MOB3B: variants seen among roughly 807,000 people sequenced by gnomAD.
The protein encoded by MOB3B is MOB kinase activator 3B.
Under a neutral mutation model 18.7 loss-of-function variants are expected in MOB3B, and 7 were observed. The observed-to-expected ratio is 0.37, with a 90% CI of 0.21 to 0.70. MOB3B has a LOEUF of 0.70. Ranked by LOEUF, MOB3B falls within the 30% of genes least tolerant of loss-of-function variation. The pLI is 0.52. For synonymous variants in MOB3B, 111 were observed against 99.9 expected (o/e 1.11, Z -0.66); for missense variants, 253 against 281.3 (o/e 0.90, Z 0.72).
chr9:27,483,934 C>T (rs1206505581), intron 1 of MOB3B, among the ~76,000 whole-genome samples: 1 of 152,192 alleles, frequency 6.6e-6, no homozygotes, highest in Non-Finnish European at 1.5e-5. Context: ...CTGGAAAATG[C>T]TGCTTTCCAC....
chr9:27,437,911 C>G (rs1822536856), intron 2 of MOB3B, among the ~76,000 whole-genome samples: 1 of 152,056 alleles, frequency 6.6e-6, no homozygotes, highest in Non-Finnish European at 1.5e-5. Context: ...AAAGACACAC[C>G]CAAAAGCTAT....
intron 2 of MOB3B, among the ~76,000 whole-genome samples, chr9:27,427,943 G>T (rs936693980): frequency 6.6e-6 from 1 of 152,056 alleles, no homozygotes. Context: ...ACACCTGTGG[G>T]CCTGGCTACC....
intron 3 of MOB3B, among the ~76,000 whole-genome samples, chr9:27,350,189 C>CA (rs1009565191): frequency 2.8e-5 from 4 of 141,924 alleles, no homozygotes; most frequent in African/African-American, 1.1e-4. Context: ...AGAAAAGTGA[C>CA]ACATGTTTGT....
At chr9:27,453,207 A>G (rs1440400749) in intron 2 of MOB3B, among the ~76,000 whole-genome samples, 3 of 152,248 alleles carry the variant, frequency 2.0e-5, no homozygotes, top group East Asian at 1.9e-4. Flanking sequence ...AGGAACCACC[A>G]CATACTATTC....
rs1245649385 is a variant in MOB3B at position 27,455,315 on chromosome 9, C to A, written c.236G>T (p.Cys79Phe). Residue 79 changes from cysteine (C) to phenylalanine (F), a missense_variant, in exon 2 of 4, where the codon TGT becomes TTT. Coordinates refer to ENST00000262244, the MANE Select transcript of MOB3B (RefSeq NM_024761.5). Reference protein sequence around the residue: ...NRINLIYGTICEFCTERTCPV... With the variant: ...NRINLIYGTIFEFCTERTCPV... The stretch of plus-strand genomic sequence containing the variant: ...ACAGGTCCGCTCGGTGCAGAACTCA[C>A]AGATGGTGCCATAGATGAGGTTGAT... 19 of 1,614,144 alleles carry A rather than the reference C, an allele frequency of 1.2e-5. No individual in the cohort carries two copies. The East Asian group carries it at 4.2e-4, about 36-fold the overall frequency.
intron 2 of MOB3B, among the ~76,000 whole-genome samples, chr9:27,399,054 G>C (rs1255451151): frequency 6.6e-6 from 1 of 152,102 alleles, no homozygotes; most frequent in East Asian, 1.9e-4. Context: ...TCCCCAAGTG[G>C]AGGTCAAATA....
At chr9:27,334,056 A>T (rs984401749) in intron 3 of MOB3B, among the ~76,000 whole-genome samples, 1 of 152,198 alleles carries the variant, frequency 6.6e-6, no homozygotes, top group African/African-American at 2.4e-5. Flanking sequence ...CTTTGCACAC[A>T]TTTGCATTCT....
chr9:27,460,976 C>T (rs945360372), intron 1 of MOB3B, among the ~76,000 whole-genome samples: 1 of 152,208 alleles, frequency 6.6e-6, no homozygotes, highest in Non-Finnish European at 1.5e-5. Flanking sequence ...TGCCAACTCA[C>T]TGAGGCCGCT....
chr9:27,359,440 T>C (rs1027099478), intron 2 of MOB3B, among the ~76,000 whole-genome samples: 3 of 151,712 alleles, frequency 2.0e-5, no homozygotes, highest in African/African-American at 7.3e-5. Context: ...AAGGGAGCAG[T>C]TGCTGCGACT....
chr9:27,348,356 C>T (rs1821059168), intron 3 of MOB3B, among the ~76,000 whole-genome samples: 1 of 146,396 alleles, frequency 6.8e-6, no homozygotes, highest in Non-Finnish European at 1.5e-5. Flanking sequence ...TAACATTTCT[C>T]TCTTCAAGAA....
chr9:27,345,452 T>C (rs757328305), intron 3 of MOB3B, among the ~76,000 whole-genome samples: 4 of 152,186 alleles, frequency 2.6e-5, no homozygotes, highest in Non-Finnish European at 4.4e-5. Context: ...TGCCATCATT[T>C]AAAACTCTGG....
intron 1 of MOB3B, among the ~76,000 whole-genome samples, chr9:27,520,879 CA>C (rs879439463): frequency 6.6e-5 from 10 of 152,196 alleles, no homozygotes; most frequent in Non-Finnish European, 1.2e-4. Context: ...ATCTGAATTT[CA>C]GAAAAACAAT....
chr9:27,348,687 C>T (rs552806966), intron 3 of MOB3B, among the ~76,000 whole-genome samples: 19 of 151,908 alleles, frequency 1.3e-4, no homozygotes, highest in African/African-American at 4.6e-4. Context: ...AAGAAATAGA[C>T]CTTAATTTTC....
At chr9:27,335,388 G>A (rs1820849001) in intron 3 of MOB3B, among the ~76,000 whole-genome samples, 1 of 152,160 alleles carries the variant, frequency 6.6e-6, no homozygotes, top group Non-Finnish European at 1.5e-5. Flanking sequence ...TGGCAGAACT[G>A]GACTGCTGGC....
chr9:27,378,518 A>G (rs764556638), intron 2 of MOB3B: 9 of 471,108 alleles, frequency 1.9e-5, no homozygotes, highest in South Asian at 1.4e-4. Context: ...TCCCAGAACT[A>G]TTGGAACCAG....
rs143032754 is a variant in MOB3B, at chr9:27,454,981, T to C, written c.418+152A>G. The stretch of plus-strand genomic sequence containing the variant: ...GTGGTCCATAAAGTTTTTTTTTTCA[T>C]TTCAATGAGGCTCTTATATATCACT... On this transcript the variant is annotated intron_variant, in intron 2 of 3. Coordinates refer to ENST00000262244, the MANE Select transcript of MOB3B (RefSeq NM_024761.5). 187 of 821,400 alleles carry C rather than the reference T, an allele frequency of 2.3e-4. No homozygotes were observed. In the African/African-American group the frequency reaches 2.8e-3, roughly 12 times the overall value. The allele number at this position is 821,400 out of a possible 1,614,324, so 50.9% of individuals were successfully genotyped here.
At chr9:27,420,082 A>G (rs1397081808) in intron 2 of MOB3B, among the ~76,000 whole-genome samples, 1 of 152,220 alleles carries the variant, frequency 6.6e-6, no homozygotes. Context: ...GATCAGGGAA[A>G]TGCAAATCAA....
At chr9:27,341,611 C>G (rs897638109) in intron 3 of MOB3B, among the ~76,000 whole-genome samples, 3 of 152,182 alleles carry the variant, frequency 2.0e-5, no homozygotes, top group African/African-American at 7.2e-5. Flanking sequence ...TTGACTACCA[C>G]CTATTGAAAC....
chr9:27,359,812 G>T (rs1299784626), intron 2 of MOB3B, among the ~76,000 whole-genome samples: 1 of 152,174 alleles, frequency 6.6e-6, no homozygotes, highest in Non-Finnish European at 1.5e-5. Flanking sequence ...GGTCATCGAA[G>T]TCACTCAGAT....
Sources: allele counts gnomAD v4.1 joint callset (sites outside exome capture counted in the v4.1 genomes callset), GRCh38; gene constraint gnomAD v4.1.1; transcripts MANE v1.5; gene names NCBI Gene and HGNC (gene_info 2026-07-23, HGNC 2026-07-21).